Variants in PROX1 observed in about 807,000 individuals in gnomAD.
The protein encoded by PROX1 is prospero homeobox 1, also known as prospero homeobox protein 1.
In PROX1, 7 loss-of-function variants were observed where a neutral mutation model predicts 58.8. The observed-to-expected ratio is 0.12, with a 90% CI of 0.07 to 0.22. PROX1 has a LOEUF of 0.22. Among genes scored for constraint, PROX1 ranks in the 10% least tolerant of loss-of-function variants. The pLI is 1.00. For missense variants in PROX1, 675 were observed against 927.8 expected (o/e 0.73, Z 3.54); for synonymous variants, 350 against 358.3 (o/e 0.98, Z 0.26).
At chr1:213,994,799 A>ATATATG in intron 1 of PROX1, among the ~76,000 whole-genome samples, 1 of 119,586 alleles carries the variant, frequency 8.4e-6, no homozygotes, top group Non-Finnish European at 1.7e-5. Context: ...ATATATATAT[A>ATATATG]TATAAAGAGG....
upstream of PROX1, chr1:213,983,175 G>A (rs953837308): frequency 6.6e-6 from 1 of 152,252 alleles, no homozygotes; most frequent in Admixed American, 6.5e-5. Context: ...CGCTCCTGCC[G>A]AGTGCCTGGA....
In PROX1 at chr1:214,005,263, C is replaced by T. The variant is rs369204553; in HGVS notation, c.1824C>T (p.Ser608=). Residue 608 remains serine, a synonymous_variant, in exon 3 of 5, where the codon TCC becomes TCT. Coordinates refer to ENST00000366958, the MANE Select transcript of PROX1 (RefSeq NM_001270616.2). Reference sequence around the variant, plus strand: ...CCAATATGCTGAAGACCTACTTCTCCGACGTAAAGGTAGGGACTTTTTTTA... The same window carrying T: ...CCAATATGCTGAAGACCTACTTCTCTGACGTAAAGGTAGGGACTTTTTTTA... ...PSSNMLKTYF[S]DVKFNRCITS... 1.6e-4 allele frequency: 258 copies of T among 1,610,620 alleles called. 5 individuals are homozygous for T. The South Asian group carries it at 2.3e-3, about 15-fold the overall frequency.
Position 213,996,856 on chromosome 1 carries a change from G to C in PROX1, c.321G>C (p.Thr107=), listed in dbSNP as rs372904856. Residue 107 remains threonine, a synonymous_variant, in exon 2 of 5, where the codon ACG becomes ACC. Transcript: ENST00000366958. ...ATAACATGAACAAAAATGGTGGCAC[G>C]GAGCCCAGTTTCCAAGCCAGCGGTC... is the stretch of plus-strand genomic sequence containing the variant. ...LKNNMNKNGG[T]EPSFQASGLS... 4.3e-6 allele frequency: 7 copies of C among 1,613,908 alleles called. No individual in the cohort carries two copies. The East Asian group carries it at 1.3e-4, about 31-fold the overall frequency.
At chr1:213,990,841 A>G (rs989494874) in intron 1 of PROX1, among the ~76,000 whole-genome samples, 6 of 152,176 alleles carry the variant, frequency 3.9e-5, no homozygotes, top group Non-Finnish European at 7.3e-5. Flanking sequence ...AAGAATAGGT[A>G]TGTACATAAA....
chr1:213,986,010 G>C (rs1440898729), upstream of PROX1: 1 of 152,212 alleles, frequency 6.6e-6, no homozygotes, highest in Non-Finnish European at 1.5e-5. Context: ...AAATAAGAAA[G>C]AAAGTAGCTT....
At position 214,025,188 on chromosome 1, in the gene PROX1, G is replaced by A. The variant is rs148930373; in HGVS notation, c.2029-10461G>A. Among the ~76,000 whole-genome samples, 518 of 152,314 alleles carry A rather than the reference G, an allele frequency of 3.4e-3. 11 individuals are homozygous for A. The highest frequency in any genetic ancestry group is 0.029 in the Admixed American group (446 of 15,304). Reference sequence around the variant, plus strand: ...AGTCTTCCTGGTCCTTGACCACCACGTGTGTGGTTTATTAACTCTGTTCCC... The same window carrying A: ...AGTCTTCCTGGTCCTTGACCACCACATGTGTGGTTTATTAACTCTGTTCCC... On this transcript the variant is annotated intron_variant, in intron 4 of 4. Transcript: ENST00000366958.
At chr1:214,031,743 C>G (rs140920446) in intron 4 of PROX1, among the ~76,000 whole-genome samples, 4 of 152,158 alleles carry the variant, frequency 2.6e-5, no homozygotes, top group Non-Finnish European at 5.9e-5. Flanking sequence ...TTCTAAGATG[C>G]TCCCACAAAA....
intron 1 of PROX1, among the ~76,000 whole-genome samples, chr1:213,990,049 G>A (rs1316045671): frequency 1.3e-5 from 2 of 150,192 alleles, no homozygotes; most frequent in Admixed American, 6.7e-5. Context: ...AAAAACAGAG[G>A]AAGCACAGGG....
rs144228107 is a variant in PROX1, at chr1:213,997,542, A to C, written c.1007A>C (p.His336Pro). The change falls in exon 2 of 5, where the codon CAT (histidine) becomes CCT (proline). Residue 336 changes from histidine to proline, a missense_variant. Coordinates refer to ENST00000366958, the MANE Select transcript of PROX1 (RefSeq NM_001270616.2). The surrounding 1 kb of genome is among the most constrained non-coding windows in gnomAD (Gnocchi z 7.1). The part of the protein sequence containing the change: ...KREGNNKERD[H>P]GPNSLQPEGK... Reference sequence around the variant, plus strand: ...GAAGGCAACAACAAAGAAAGAGACCATGGGCCAAACTCCTTACAACCGGAA... The same window carrying C: ...GAAGGCAACAACAAAGAAAGAGACCCTGGGCCAAACTCCTTACAACCGGAA... 4.9e-4 allele frequency: 787 copies of C among 1,614,082 alleles called. 2 individuals carry two copies. In the Middle Eastern group the frequency reaches 4.9e-3, roughly 10 times the overall value.
At chr1:214,005,349 A>G in intron 3 of PROX1, 77 bp downstream of exon 3, 1 of 1,129,190 alleles carries the variant, frequency 8.9e-7, no homozygotes, top group Non-Finnish European at 1.3e-6. Flanking sequence ...AAGTTAATGG[A>G]GATGAATGTG....
chr1:214,017,164 AG>A (rs1302208100), intron 4 of PROX1, among the ~76,000 whole-genome samples: 1 of 151,998 alleles, frequency 6.6e-6, no homozygotes, highest in Admixed American at 6.6e-5. Flanking sequence ...AGGAGCCTTT[AG>A]AAAAAAAAAA....
chr1:214,001,964 T>G (rs946893011), intron 2 of PROX1, among the ~76,000 whole-genome samples: 1 of 152,182 alleles, frequency 6.6e-6, no homozygotes. Context: ...GTGAGAGAGT[T>G]TAGATCTTTT....
intron 2 of PROX1, among the ~76,000 whole-genome samples, chr1:214,001,679 A>T (rs903304624): frequency 1.3e-5 from 2 of 152,224 alleles, no homozygotes; most frequent in Non-Finnish European, 2.9e-5. Flanking sequence ...ACCAGGAACC[A>T]TAGATTAGAA....
intron 4 of PROX1, among the ~76,000 whole-genome samples, chr1:214,022,152 CT>C (rs1664301397): frequency 6.6e-6 from 1 of 152,214 alleles, no homozygotes. Flanking sequence ...ACAGCATGGA[CT>C]CTCCAGCCAG....
chr1:214,022,331 A>G (rs1664310188), intron 4 of PROX1, among the ~76,000 whole-genome samples: 1 of 152,256 alleles, frequency 6.6e-6, no homozygotes, highest in Non-Finnish European at 1.5e-5. Context: ...GTATTAGCAC[A>G]AAGTAAGTGC....
At chr1:213,992,874 T>C (rs1244911225) in intron 1 of PROX1, among the ~76,000 whole-genome samples, 1 of 152,198 alleles carries the variant, frequency 6.6e-6, no homozygotes, top group East Asian at 1.9e-4. Flanking sequence ...CACGCTGCAG[T>C]GTTCCTTTGA....
At chr1:213,986,049 C>A (rs976190664), upstream of PROX1, 1 of 152,228 alleles carries the variant, frequency 6.6e-6, no homozygotes, top group Non-Finnish European at 1.5e-5. Flanking sequence ...CAAGTTTCCC[C>A]GCTCAATACA....
intron 4 of PROX1, among the ~76,000 whole-genome samples, chr1:214,018,797 C>T (rs1310693487): frequency 6.6e-6 from 1 of 152,094 alleles, no homozygotes; most frequent in Admixed American, 6.6e-5. Flanking sequence ...ATCAATTCTG[C>T]CCCCTTTGCT....
Position 214,031,035 on chromosome 1 carries a change from GT to G in PROX1, c.2029-4613del, listed in dbSNP as rs1157317501. The G allele has an allele frequency of 3.9e-3, 31 of 7,958 alleles. No individual in the cohort carries two copies. In the Admixed American group the frequency reaches 0.048, roughly 12 times the overall value. 0.5% of individuals were successfully genotyped at this position (7,958 alleles called of 1,614,324 possible). ...AAAACAACCACCCACCCAACACACC[GT>G]GTGTGTGTGTGTGTGTGTGTGTGTG... On this transcript the variant is annotated intron_variant, in intron 4 of 4. Coordinates refer to ENST00000366958, the MANE Select transcript of PROX1 (RefSeq NM_001270616.2).
Sources: allele counts gnomAD v4.1 joint callset (sites outside exome capture counted in the v4.1 genomes callset), GRCh38; gene constraint gnomAD v4.1.1; non-coding constraint Gnocchi (gnomAD v3.1); transcripts MANE v1.5; gene names NCBI Gene and HGNC (gene_info 2026-07-23, HGNC 2026-07-21).